The following BRD10 variants were observed in gnomAD, a reference collection of about 807,000 sequenced individuals.
BRD10 encodes uncharacterized bromodomain-containing protein 10.
the BRD10 span, among the ~76,000 whole-genome samples, chr9:5,918,754 G>C: frequency 2.0e-5 from 3 of 148,630 alleles, no homozygotes; most frequent in Non-Finnish European, 4.4e-5. Context: ...GAGCTCAGGA[G>C]GTGGAGGTTG....
chr9:5,967,163 G>C, the BRD10 span, among the ~76,000 whole-genome samples: 7 of 151,964 alleles, frequency 4.6e-5, 1 homozygote, highest in South Asian at 1.5e-3. Flanking sequence ...TGATGATGAA[G>C]AGCCACCAGA....
the BRD10 span, among the ~76,000 whole-genome samples, chr9:5,884,104 C>T: frequency 8.5e-5 from 13 of 152,320 alleles, no homozygotes; most frequent in South Asian, 2.1e-4. Flanking sequence ...TTCATATCAC[C>T]AATCCAGAGC....
chr9:5,886,326 A>G, the BRD10 span, among the ~76,000 whole-genome samples: 1 of 152,226 alleles, frequency 6.6e-6, no homozygotes, highest in East Asian at 1.9e-4. Flanking sequence ...AGCAAGGTCT[A>G]GCAGGTACAA....
At chr9:5,951,071 CA>C in the BRD10 span, among the ~76,000 whole-genome samples, 91 of 147,212 alleles carry the variant, frequency 6.2e-4, no homozygotes, top group Middle Eastern at 7.0e-3. Flanking sequence ...CACACACACA[CA>C]CACACCCCCA....
the BRD10 span, among the ~76,000 whole-genome samples, chr9:5,924,230 T>A: frequency 6.6e-6 from 1 of 152,132 alleles, no homozygotes; most frequent in South Asian, 2.1e-4. Context: ...AGGCCTACAG[T>A]TTGCAGTCAA....
At chr9:5,968,293 T>C in the BRD10 span, 2 of 1,611,834 alleles carry the variant, frequency 1.2e-6, no homozygotes, top group African/African-American at 2.7e-5. Context: ...CACTGTGACT[T>C]CCATTTACAT....
At chr9:5,930,369 TTATATATATA>T in the BRD10 span, among the ~76,000 whole-genome samples, 2 of 135,542 alleles carry the variant, frequency 1.5e-5, no homozygotes, top group Non-Finnish European at 1.6e-5. Context: ...TATAAGGAGA[TTATATATATA>T]TATATATATA....
chr9:5,888,561 C>A, the BRD10 span, among the ~76,000 whole-genome samples: 1 of 152,266 alleles, frequency 6.6e-6, no homozygotes, highest in African/African-American at 2.4e-5. Context: ...TTTGCAACAT[C>A]GACAATGCAT....
chr9:5,949,221 C>G, the BRD10 span, among the ~76,000 whole-genome samples: 1 of 152,016 alleles, frequency 6.6e-6, no homozygotes, highest in African/African-American at 2.4e-5. Flanking sequence ...ATTAAACTAA[C>G]AGAGGTAAAA....
At chr9:5,897,598 T>A in the BRD10 span, 51 of 1,614,038 alleles carry the variant, frequency 3.2e-5, no homozygotes, top group Admixed American at 8.5e-4. Flanking sequence ...CTGGGAGTCT[T>A]ACTGCTCATC....
At chr9:5,886,206 G>A in the BRD10 span, among the ~76,000 whole-genome samples, 1 of 152,180 alleles carries the variant, frequency 6.6e-6, no homozygotes, top group Admixed American at 6.5e-5. Context: ...TCTGGCTCCT[G>A]AGCACTGTAA....
chr9:5,990,180 C>T, the BRD10 span, among the ~76,000 whole-genome samples: 59 of 152,162 alleles, frequency 3.9e-4, no homozygotes, highest in African/African-American at 1.3e-3. Context: ...CTAATTGGGC[C>T]GGAAGTAAGG....
At chr9:5,888,152 G>C in the BRD10 span, among the ~76,000 whole-genome samples, 1 of 152,196 alleles carries the variant, frequency 6.6e-6, no homozygotes, top group African/African-American at 2.4e-5. Flanking sequence ...TCATATTCCG[G>C]TGGGGTTTTT....
the BRD10 span, among the ~76,000 whole-genome samples, chr9:5,880,631 A>G: frequency 2.0e-4 from 30 of 152,124 alleles, no homozygotes; most frequent in Admixed American, 5.2e-4. Context: ...ATTAGAAAAC[A>G]TGACTCTGAC....
At chr9:6,000,290 T>C in the BRD10 span, among the ~76,000 whole-genome samples, 4 of 152,176 alleles carry the variant, frequency 2.6e-5, no homozygotes, top group Admixed American at 1.3e-4. Context: ...CTGGGGCTTA[T>C]TAGCCTTTCC....
At chr9:5,985,460 A>G in the BRD10 span, among the ~76,000 whole-genome samples, 3 of 152,202 alleles carry the variant, frequency 2.0e-5, no homozygotes, top group Non-Finnish European at 2.9e-5. Flanking sequence ...GTGAACACAT[A>G]TATCTGACAA....
the BRD10 span, chr9:5,922,461 T>C: frequency 8.7e-6 from 14 of 1,613,904 alleles, no homozygotes; most frequent in East Asian, 2.2e-5. Flanking sequence ...GCACTACTTA[T>C]ATTTGATAAA....
chr9:5,938,700 A>G, the BRD10 span, among the ~76,000 whole-genome samples: 1 of 143,908 alleles, frequency 6.9e-6, no homozygotes, highest in African/African-American at 2.6e-5. Context: ...CCAAAAGGTC[A>G]TTTTAATTTT....
chr9:5,950,359 T>C, the BRD10 span, among the ~76,000 whole-genome samples: 1 of 152,200 alleles, frequency 6.6e-6, no homozygotes, highest in African/African-American at 2.4e-5. Flanking sequence ...GTAAGCTGTA[T>C]CATTCAATCC....
Sources: gnomAD v4.1 joint callset for allele counts (sites outside exome capture counted in the v4.1 genomes callset) on GRCh38, gnomAD v4.1.1 for gene constraint, MANE v1.5 for transcripts, NCBI Gene and HGNC (gene_info 2026-07-23, HGNC 2026-07-21) for gene names.